The following RABGAP1L variants were observed in gnomAD, a reference collection of about 807,000 sequenced individuals.
RABGAP1L encodes the protein RAB GTPase activating protein 1 like.
Under a neutral mutation model 137.7 loss-of-function variants are expected in RABGAP1L, and 63 were observed. The observed-to-expected ratio is 0.46, with a 90% CI of 0.37 to 0.56. The LOEUF (loss-of-function observed/expected upper bound fraction) is 0.56, where lower values mean the gene tolerates loss of function less well. RABGAP1L is among the 20% of genes least tolerant of loss of function. The pLI, the probability that RABGAP1L is intolerant of heterozygous loss-of-function variation, is 0.00. For missense variants in RABGAP1L, 1,095 were observed against 1,244.0 expected, an observed-to-expected ratio of 0.88 and a Z score of 1.80; for synonymous variants, 431 against 433.7, an observed-to-expected ratio of 0.99 and a Z score of 0.08.
At chr1:174,503,298 T>C (rs1661495817) in intron 13 of RABGAP1L, among the ~76,000 whole-genome samples, 1 of 152,180 alleles carries the variant, frequency 6.6e-6, no homozygotes, top group South Asian at 2.1e-4. Flanking sequence ...GCCTAAGATA[T>C]TTACTATCTG....
intron 19 of RABGAP1L, among the ~76,000 whole-genome samples, chr1:174,946,128 T>A (rs1048883512): frequency 7.9e-5 from 12 of 152,080 alleles, no homozygotes; most frequent in Non-Finnish European, 1.8e-4. Context: ...TTATGCCTGG[T>A]AATGTGGCAG....
At chr1:174,524,976 T>C (rs141592184) in intron 13 of RABGAP1L, among the ~76,000 whole-genome samples, 1 of 152,224 alleles carries the variant, frequency 6.6e-6, no homozygotes, top group East Asian at 1.9e-4. Context: ...TATTTCTGTC[T>C]TTTCTATTTT....
chr1:174,218,269 A>G (rs1488388391), intron 1 of RABGAP1L, among the ~76,000 whole-genome samples: 2 of 152,060 alleles, frequency 1.3e-5, no homozygotes, highest in South Asian at 2.1e-4. Flanking sequence ...TGGAATCACC[A>G]TTTGCTCCCT....
chr1:174,329,039 C>CAA (rs59672024), intron 11 of RABGAP1L, among the ~76,000 whole-genome samples: 5,461 of 132,804 alleles, frequency 0.041, 292 homozygotes, highest in African/African-American at 0.13. Context: ...CTTAAAAATA[C>CAA]AAAAAAAAAA....
intron 10 of RABGAP1L, among the ~76,000 whole-genome samples, chr1:174,284,336 T>C (rs932193264): frequency 3.3e-5 from 5 of 152,362 alleles, no homozygotes; most frequent in African/African-American, 1.2e-4. Flanking sequence ...AATGAGATCA[T>C]ACAGTATTTG....
intron 1 of RABGAP1L, among the ~76,000 whole-genome samples, chr1:174,214,293 T>G (rs1328544123): frequency 1.3e-5 from 2 of 151,224 alleles, no homozygotes; most frequent in Non-Finnish European, 3.0e-5. Flanking sequence ...AAGTGAAAGA[T>G]CTCCACAATG....
chr1:174,437,225 CTT>C (rs1188080365), intron 13 of RABGAP1L, among the ~76,000 whole-genome samples: 1 of 152,134 alleles, frequency 6.6e-6, no homozygotes, highest in Non-Finnish European at 1.5e-5. Flanking sequence ...CAGAGAATGA[CTT>C]TGATGAGTTG....
chr1:174,729,631 CAAAT>C (rs1243039954), intron 17 of RABGAP1L, among the ~76,000 whole-genome samples: 11 of 152,162 alleles, frequency 7.2e-5, no homozygotes, highest in South Asian at 4.1e-4. Flanking sequence ...AAGCAAAAAA[CAAAT>C]AACCCCATTT....
chr1:174,769,004 T>C (rs1685896551), intron 18 of RABGAP1L, among the ~76,000 whole-genome samples: 1 of 152,162 alleles, frequency 6.6e-6, no homozygotes, highest in Non-Finnish European at 1.5e-5. Context: ...TAGAACTTCA[T>C]TTCTGGATTA....
intron 21 of RABGAP1L, among the ~76,000 whole-genome samples, chr1:174,975,254 A>C (rs191139717): frequency 3.8e-4 from 58 of 152,348 alleles, no homozygotes; most frequent in African/African-American, 1.3e-3. Flanking sequence ...GTAAGTTGTC[A>C]TTACAGTCCT....
At chr1:174,635,334 T>A (rs1673909251) in intron 13 of RABGAP1L, among the ~76,000 whole-genome samples, 1 of 152,190 alleles carries the variant, frequency 6.6e-6, no homozygotes, top group Non-Finnish European at 1.5e-5. Flanking sequence ...AGTAACATTT[T>A]TATTCCTCAT....
intron 18 of RABGAP1L, among the ~76,000 whole-genome samples, chr1:174,805,234 A>G (rs1689173957): frequency 6.6e-6 from 1 of 152,212 alleles, no homozygotes; most frequent in Non-Finnish European, 1.5e-5. Flanking sequence ...TGCAAAGGAT[A>G]CTTACATTAA....
chr1:174,657,098 G>A (rs1324691301), intron 14 of RABGAP1L, among the ~76,000 whole-genome samples: 1 of 151,950 alleles, frequency 6.6e-6, no homozygotes, highest in Admixed American at 6.6e-5. Context: ...TCATTCCCCA[G>A]CATTTCCTTT....
intron 13 of RABGAP1L, among the ~76,000 whole-genome samples, chr1:174,536,203 A>G (rs578180152): frequency 6.9e-4 from 101 of 146,338 alleles, no homozygotes; most frequent in African/African-American, 1.6e-3. Flanking sequence ...GTGTCAGGGG[A>G]AAAAAAAAAA....
intron 9 of RABGAP1L, among the ~76,000 whole-genome samples, chr1:174,278,010 A>G (rs1280241667): frequency 6.6e-6 from 1 of 152,222 alleles, no homozygotes; most frequent in Non-Finnish European, 1.5e-5. Flanking sequence ...TTCCTTTAAC[A>G]GAGAACTAAA....
chr1:174,686,889 G>T lies in RABGAP1L; in HGVS notation c.1899+3293G>T, dbSNP rs555566712. On this transcript the variant is annotated intron_variant, in intron 15 of 25. Coordinates refer to ENST00000681986, the MANE Select transcript of RABGAP1L (RefSeq NM_001366446.1). Reference sequence around the variant, plus strand: ...TTAGCCAGGCTGGTCTTGATCTCCTGACCTGGTGATCCTCCCACCTTAGCC... The same window carrying T: ...TTAGCCAGGCTGGTCTTGATCTCCTTACCTGGTGATCCTCCCACCTTAGCC... Among the ~76,000 whole-genome samples, 5 of 151,764 alleles carry T rather than the reference G, an allele frequency of 3.3e-5. No homozygotes were observed. The South Asian group carries it at 1.0e-3, about 32-fold the overall frequency.
intron 19 of RABGAP1L, among the ~76,000 whole-genome samples, chr1:174,821,970 A>G (rs1337420616): frequency 6.6e-6 from 1 of 152,238 alleles, no homozygotes; most frequent in African/African-American, 2.4e-5. Flanking sequence ...TAATTAACAC[A>G]TTGATAATAA....
At chr1:174,421,729 C>T (rs527496650) in intron 13 of RABGAP1L, among the ~76,000 whole-genome samples, 11 of 152,246 alleles carry the variant, frequency 7.2e-5, no homozygotes, top group Non-Finnish European at 1.3e-4. Flanking sequence ...CTTCATACTG[C>T]CTGATGAAAG....
At chr1:174,553,625 A>G (rs1205888124) in intron 13 of RABGAP1L, among the ~76,000 whole-genome samples, 1 of 152,260 alleles carries the variant, frequency 6.6e-6, no homozygotes, top group Non-Finnish European at 1.5e-5. Flanking sequence ...ACAGAAAAAT[A>G]AAACTATAGA....
Sources: gnomAD v4.1 joint callset for allele counts (sites outside exome capture counted in the v4.1 genomes callset) on GRCh38, gnomAD v4.1.1 for gene constraint, MANE v1.5 for transcripts, NCBI Gene and HGNC (gene_info 2026-07-23, HGNC 2026-07-21) for gene names.